The following CTNND2 variants were observed in gnomAD, a reference collection of about 807,000 sequenced individuals.
The protein encoded by CTNND2 is catenin delta 2.
Under a neutral mutation model 144.4 loss-of-function variants are expected in CTNND2, and 22 were observed. That is an observed-to-expected ratio of 0.15 (90% CI 0.11 to 0.22). The LOEUF is 0.22. Among genes scored for constraint, CTNND2 ranks in the 10% least tolerant of loss-of-function variants. The pLI is 1.00. For missense variants in CTNND2, 1,353 were observed against 1,618.8 expected, an observed-to-expected ratio of 0.84 and a Z score of 2.82; for synonymous variants, 751 against 695.6, an observed-to-expected ratio of 1.08 and a Z score of -1.25.
At chr5:11,509,256 G>C (rs560492075) in intron 3 of CTNND2, among the ~76,000 whole-genome samples, 2 of 152,242 alleles carry the variant, frequency 1.3e-5, no homozygotes, top group Non-Finnish European at 2.9e-5. Flanking sequence ...AGTTTTATTG[G>C]CTAAAGGGAA....
Position 11,280,633 on chromosome 5 carries a change from G to A in CTNND2, c.1629-43810C>T, listed in dbSNP as rs116050585. 2.0e-3 allele frequency among the ~76,000 whole-genome samples: 302 copies of A among 152,312 alleles called. 1 individual carries two copies. Among genetic ancestry groups the A allele is most frequent in the African/African-American group, 6.9e-3 (288 of 41,564 alleles). On this transcript the variant is annotated intron_variant, in intron 9 of 21. Coordinates refer to ENST00000304623, the MANE Select transcript of CTNND2 (RefSeq NM_001332.4). ...CTACCTCCAATACACTCATAGAGGGGAGTTAGGGCTTCGACATATACATTT... is the reference window on the plus strand; with the variant it reads ...CTACCTCCAATACACTCATAGAGGGAAGTTAGGGCTTCGACATATACATTT...
intron 3 of CTNND2, among the ~76,000 whole-genome samples, chr5:11,537,438 G>GA (rs753573715): frequency 7.8e-4 from 118 of 151,934 alleles, no homozygotes; most frequent in Middle Eastern, 3.4e-3. Flanking sequence ...CATCTTATTT[G>GA]AAAAAAATAT....
At chr5:11,204,978 T>A (rs559408584) in intron 10 of CTNND2, among the ~76,000 whole-genome samples, 1 of 152,238 alleles carries the variant, frequency 6.6e-6, no homozygotes, top group Non-Finnish European at 1.5e-5. Context: ...TTGGAGTAGC[T>A]TTTGTCAACC....
intron 16 of CTNND2, among the ~76,000 whole-genome samples, chr5:11,067,949 G>C (rs1234959169): frequency 6.6e-6 from 1 of 152,062 alleles, no homozygotes; most frequent in African/African-American, 2.4e-5. Context: ...AGCTGGTTTT[G>C]ACTCTAGGGA....
At chr5:11,208,380 G>A (rs1250590096) in intron 10 of CTNND2, among the ~76,000 whole-genome samples, 1 of 151,716 alleles carries the variant, frequency 6.6e-6, no homozygotes, top group Non-Finnish European at 1.5e-5. Flanking sequence ...ATGAACATAG[G>A]AAAAAAATCA....
chr5:11,687,707 AATCTT>A (rs1290491496), intron 2 of CTNND2, among the ~76,000 whole-genome samples: 1 of 152,190 alleles, frequency 6.6e-6, no homozygotes, highest in Non-Finnish European at 1.5e-5. Context: ...AGAGGGGAAA[AATCTT>A]AGCCCTCATG....
intron 2 of CTNND2, among the ~76,000 whole-genome samples, chr5:11,585,379 GA>G (rs142549093): frequency 0.01 from 1,526 of 151,954 alleles, 32 homozygotes; most frequent in East Asian, 0.092. Flanking sequence ...TTAATCGGGG[GA>G]AAAAGAACAC....
intron 2 of CTNND2, among the ~76,000 whole-genome samples, chr5:11,692,829 T>C (rs892917776): frequency 2.4e-4 from 37 of 152,226 alleles, no homozygotes; most frequent in African/African-American, 8.2e-4. Context: ...CTTGTACTCC[T>C]GATCTCAAGT....
At chr5:11,795,364 G>A (rs540562933) in intron 1 of CTNND2, among the ~76,000 whole-genome samples, 2 of 152,328 alleles carry the variant, frequency 1.3e-5, no homozygotes, top group African/African-American at 4.8e-5. Flanking sequence ...CTGGAAGTGA[G>A]ATTTAACATG....
In CTNND2 at chr5:11,561,592, T is replaced by C. The variant is rs560346448; in HGVS notation, c.287+3352A>G. Among the ~76,000 whole-genome samples, 350 of 152,346 alleles carry C rather than the reference T, an allele frequency of 2.3e-3. 1 individual carries two copies. Among genetic ancestry groups the C allele is most frequent in the Non-Finnish European group, 4.2e-3 (284 of 68,032 alleles). On this transcript the variant is annotated intron_variant, in intron 3 of 21. Coordinates refer to ENST00000304623, the MANE Select transcript of CTNND2 (RefSeq NM_001332.4). ...AACCTACAGAGGTAGATGCAGAAGCTGATCTGCTGCAACAATAAAGATCTC... is the reference window on the plus strand; with the variant it reads ...AACCTACAGAGGTAGATGCAGAAGCCGATCTGCTGCAACAATAAAGATCTC...
At chr5:11,430,913 T>A (rs1206762236) in intron 3 of CTNND2, among the ~76,000 whole-genome samples, 1 of 152,186 alleles carries the variant, frequency 6.6e-6, no homozygotes, top group Non-Finnish European at 1.5e-5. Context: ...AAAGATTCAA[T>A]CGAGAACCCA....
intron 1 of CTNND2, among the ~76,000 whole-genome samples, chr5:11,787,617 C>T (rs1028579385): frequency 6.6e-6 from 1 of 152,150 alleles, no homozygotes; most frequent in Non-Finnish European, 1.5e-5. Flanking sequence ...ATTATTGGAA[C>T]TCCATTTGAA....
intron 12 of CTNND2, among the ~76,000 whole-genome samples, chr5:11,128,957 AT>A (rs1361132053): frequency 4.4e-5 from 2 of 45,762 alleles, no homozygotes; most frequent in Non-Finnish European, 8.7e-5. Flanking sequence ...TAATATATAA[AT>A]ATATATAATA....
chr5:11,581,457 G>C (rs1778425318), intron 2 of CTNND2, among the ~76,000 whole-genome samples: 1 of 152,152 alleles, frequency 6.6e-6, no homozygotes, highest in Non-Finnish European at 1.5e-5. Flanking sequence ...CAGGTTGATA[G>C]TGATCCATTA....
intron 2 of CTNND2, among the ~76,000 whole-genome samples, chr5:11,637,117 A>G (rs1781747681): frequency 6.6e-6 from 1 of 152,194 alleles, no homozygotes; most frequent in Non-Finnish European, 1.5e-5. Context: ...ATAGAAGTTT[A>G]TATATTTTTT....
intron 15 of CTNND2, among the ~76,000 whole-genome samples, chr5:11,085,701 A>G (rs752552552): frequency 2.2e-4 from 33 of 152,230 alleles, no homozygotes; most frequent in Non-Finnish European, 4.3e-4. Context: ...CTCCCTAGTC[A>G]ATACAGAGCC....
chr5:11,264,821 C>A (rs1003978374), intron 9 of CTNND2, among the ~76,000 whole-genome samples: 1 of 152,084 alleles, frequency 6.6e-6, no homozygotes, highest in African/African-American at 2.4e-5. Flanking sequence ...GTCCCAATTA[C>A]ACAGGAGGCT....
intron 3 of CTNND2, among the ~76,000 whole-genome samples, chr5:11,510,930 C>CAAA (rs58275679): frequency 6.9e-6 from 1 of 144,050 alleles, no homozygotes; most frequent in Admixed American, 7.0e-5. Flanking sequence ...GACTCTATCT[C>CAAA]AAAAAAAAAA....
intron 3 of CTNND2, among the ~76,000 whole-genome samples, chr5:11,495,976 A>T (rs904912444): frequency 5.3e-5 from 8 of 152,040 alleles, no homozygotes; most frequent in African/African-American, 1.7e-4. Flanking sequence ...CATTGCTATG[A>T]TGTTGTTATA....
Sources: gnomAD v4.1 joint callset for allele counts (sites outside exome capture counted in the v4.1 genomes callset) on GRCh38, gnomAD v4.1.1 for gene constraint, MANE v1.5 for transcripts, NCBI Gene and HGNC (gene_info 2026-07-23, HGNC 2026-07-21) for gene names.